The following AKR1C8 variants were observed in gnomAD, a reference collection of about 807,000 sequenced individuals.
The protein encoded by AKR1C8 is aldo-keto reductase family 1 member C-like protein 1.
At chr10:5,131,907 C>G in the AKR1C8 span, among the ~76,000 whole-genome samples, 1 of 152,092 alleles carries the variant, frequency 6.6e-6, no homozygotes, top group African/African-American at 2.4e-5. Flanking sequence ...CAGTGCAATT[C>G]ACAATTGCAA....
At chr10:5,137,789 G>A in the AKR1C8 span, among the ~76,000 whole-genome samples, 1 of 152,098 alleles carries the variant, frequency 6.6e-6, no homozygotes, top group Admixed American at 6.6e-5. Flanking sequence ...TGGGCCGCCA[G>A]GGGTGACATC....
At chr10:5,163,739 C>T in the AKR1C8 span, among the ~76,000 whole-genome samples, 4 of 152,142 alleles carry the variant, frequency 2.6e-5, no homozygotes, top group African/African-American at 4.8e-5. Context: ...CTGGCCCATT[C>T]GGATAAAAGA....
chr10:5,143,695 ATAT>A, the AKR1C8 span, among the ~76,000 whole-genome samples: 181 of 148,282 alleles, frequency 1.2e-3, 1 homozygote, highest in African/African-American at 3.2e-3. Context: ...TATACTAGAT[ATAT>A]TATTAAATAT....
the AKR1C8 span, among the ~76,000 whole-genome samples, chr10:5,167,581 C>A: frequency 6.6e-6 from 1 of 152,048 alleles, no homozygotes; most frequent in Non-Finnish European, 1.5e-5. Flanking sequence ...GGGAATTGAA[C>A]AATGAGAACA....
At chr10:5,130,363 A>T in the AKR1C8 span, among the ~76,000 whole-genome samples, 1 of 151,992 alleles carries the variant, frequency 6.6e-6, no homozygotes, top group African/African-American at 2.4e-5. Flanking sequence ...CTGGTTCAAG[A>T]CAAGGATGCT....
At chr10:5,176,154 G>A in the AKR1C8 span, among the ~76,000 whole-genome samples, 8 of 151,286 alleles carry the variant, frequency 5.3e-5, no homozygotes, top group African/African-American at 1.7e-4. Flanking sequence ...TAATTTTTGT[G>A]TAAGGTGTAA....
At chr10:5,135,887 T>C in the AKR1C8 span, among the ~76,000 whole-genome samples, 10 of 152,148 alleles carry the variant, frequency 6.6e-5, no homozygotes, top group Admixed American at 5.9e-4. Context: ...TTTCTTTGCA[T>C]TGTAGAAGGA....
At chr10:5,145,772 T>C in the AKR1C8 span, among the ~76,000 whole-genome samples, 1 of 152,158 alleles carries the variant, frequency 6.6e-6, no homozygotes, top group Admixed American at 6.5e-5. Flanking sequence ...AGTTCAACCA[T>C]TGTGGAAGTC....
At chr10:5,177,020 T>C in the AKR1C8 span, among the ~76,000 whole-genome samples, 1 of 151,956 alleles carries the variant, frequency 6.6e-6, no homozygotes, top group South Asian at 2.1e-4. Flanking sequence ...CTATGTTGAA[T>C]AGGAGTGGTA....
the AKR1C8 span, among the ~76,000 whole-genome samples, chr10:5,162,517 T>C: frequency 6.6e-6 from 1 of 152,218 alleles, no homozygotes; most frequent in African/African-American, 2.4e-5. Flanking sequence ...ATCACTTTTC[T>C]GATTAATATG....
the AKR1C8 span, among the ~76,000 whole-genome samples, chr10:5,120,366 C>CTA: frequency 2.2e-5 from 1 of 44,890 alleles, no homozygotes; most frequent in Non-Finnish European, 3.9e-5. Flanking sequence ...TTTAATTCCT[C>CTA]TAGTGCCACT....
the AKR1C8 span, among the ~76,000 whole-genome samples, chr10:5,144,745 G>T: frequency 1.3e-5 from 2 of 151,944 alleles, no homozygotes; most frequent in African/African-American, 2.4e-5. Flanking sequence ...TGCTGAAGTT[G>T]CTTATCAGCT....
the AKR1C8 span, among the ~76,000 whole-genome samples, chr10:5,173,219 T>C: frequency 6.6e-6 from 1 of 152,176 alleles, no homozygotes; most frequent in Admixed American, 6.6e-5. Context: ...AAAAAAACCT[T>C]TTCTAGGAAA....
the AKR1C8 span, among the ~76,000 whole-genome samples, chr10:5,174,763 T>C: frequency 6.6e-6 from 1 of 151,770 alleles, no homozygotes; most frequent in Non-Finnish European, 1.5e-5. Context: ...TAATAAAAAA[T>C]TATGAAAAGA....
chr10:5,132,426 AT>A, the AKR1C8 span, among the ~76,000 whole-genome samples: 16 of 152,218 alleles, frequency 1.1e-4, no homozygotes, highest in African/African-American at 3.9e-4. Flanking sequence ...CACAACAATG[AT>A]GAGAAAGACA....
chr10:5,170,447 A>G, the AKR1C8 span, among the ~76,000 whole-genome samples: 65 of 152,210 alleles, frequency 4.3e-4, no homozygotes, highest in African/African-American at 1.4e-3. Flanking sequence ...ATAATTATTT[A>G]TTACATAGGC....
At chr10:5,132,540 T>A in the AKR1C8 span, 21 of 1,320,366 alleles carry the variant, frequency 1.6e-5, no homozygotes, top group South Asian at 4.6e-4. Context: ...AGTTACAGAA[T>A]TGTCATCTCC....
chr10:5,145,189 A>G, the AKR1C8 span, among the ~76,000 whole-genome samples: 3 of 152,190 alleles, frequency 2.0e-5, no homozygotes, highest in African/African-American at 7.2e-5. Context: ...ATTTGCATAT[A>G]TCAATTCAAG....
the AKR1C8 span, among the ~76,000 whole-genome samples, chr10:5,170,477 G>A: frequency 6.6e-6 from 1 of 151,988 alleles, no homozygotes. Context: ...TAGCTTTGAT[G>A]GAACTTTGTT....
Sources: allele counts gnomAD v4.1 joint callset (sites outside exome capture counted in the v4.1 genomes callset), GRCh38; gene constraint gnomAD v4.1.1; transcripts MANE v1.5; gene names NCBI Gene and HGNC (gene_info 2026-07-23, HGNC 2026-07-21).